Variants in ADARB2 observed in about 807,000 individuals in gnomAD.
ADARB2 encodes the protein adenosine deaminase RNA specific B2 (inactive), also known as inactive double-stranded RNA-specific editase B2.
A neutral mutation model predicts 62.2 loss-of-function variants in ADARB2; 25 were observed. That is an observed-to-expected ratio of 0.40 (90% CI 0.29 to 0.56). ADARB2 has a LOEUF of 0.56. Among genes scored for constraint, ADARB2 ranks in the 20% least tolerant of loss-of-function variants. The probability of loss-of-function intolerance (pLI) is 0.43; values close to 1 mark genes in which losing one functional copy is unlikely to be tolerated. For synonymous variants in ADARB2, 572 were observed against 500.8 expected, an observed-to-expected ratio of 1.14 and a Z score of -1.90; for missense variants, 1,071 against 1,077.4, an observed-to-expected ratio of 0.99 and a Z score of 0.08.
At chr10:1,659,785 G>A (rs1450912956) in intron 1 of ADARB2, among the ~76,000 whole-genome samples, 1 of 150,990 alleles carries the variant, frequency 6.6e-6, no homozygotes, top group African/African-American at 2.4e-5. Flanking sequence ...TCCGGGGCAG[G>A]GGCTGTCTCC....
intron 1 of ADARB2, among the ~76,000 whole-genome samples, chr10:1,684,111 A>G (rs1410727998): frequency 2.0e-5 from 3 of 152,220 alleles, no homozygotes. Flanking sequence ...GGAGAAGCAA[A>G]CTATGGAGTG....
intron 1 of ADARB2, among the ~76,000 whole-genome samples, chr10:1,474,333 CT>C (rs1831370288): frequency 6.6e-6 from 1 of 152,178 alleles, no homozygotes; most frequent in Non-Finnish European, 1.5e-5. Context: ...AGGACACCAG[CT>C]GCAGTTTGGG....
At position 1,501,259 on chromosome 10, in the gene ADARB2, A is replaced by G. The variant is rs139478707; in HGVS notation, c.101-122099T>C. On this transcript the variant is annotated intron_variant, in intron 1 of 9. Transcript: ENST00000381312. ...AGTAAAAGGGGGAGTTTAACTTGCT[A>G]GCTATGTAGGGAAACAGTTTTGAGT... is the stretch of plus-strand genomic sequence containing the variant. 3.1e-3 allele frequency among the ~76,000 whole-genome samples: 467 copies of G among 152,310 alleles called. 5 individuals carry two copies. The highest frequency in any genetic ancestry group is 0.014 in the Middle Eastern group (4 of 294).
intron 3 of ADARB2, among the ~76,000 whole-genome samples, chr10:1,356,239 G>C (rs368184218): frequency 1.7e-3 from 253 of 152,310 alleles, no homozygotes; most frequent in African/African-American, 6.0e-3. Flanking sequence ...CCACAGGATG[G>C]TGTGTGTGGC....
intron 1 of ADARB2, among the ~76,000 whole-genome samples, chr10:1,501,639 G>T (rs1368348323): frequency 6.6e-6 from 1 of 152,174 alleles, no homozygotes; most frequent in Non-Finnish European, 1.5e-5. Context: ...CCACAGAGGG[G>T]CCCAATCAAA....
At chr10:1,313,058 T>C (rs1486881988) in intron 3 of ADARB2, among the ~76,000 whole-genome samples, 2 of 152,226 alleles carry the variant, frequency 1.3e-5, no homozygotes, top group Non-Finnish European at 2.9e-5. Context: ...CATCCAATGA[T>C]ACAGTTGGGG....
chr10:1,732,268 A>G (rs893556977), intron 1 of ADARB2, among the ~76,000 whole-genome samples: 3 of 151,146 alleles, frequency 2.0e-5, no homozygotes, highest in African/African-American at 7.3e-5. Context: ...TAGTTTTAAA[A>G]TTGAACATTA....
intron 3 of ADARB2, among the ~76,000 whole-genome samples, chr10:1,327,171 C>G (rs1410661124): frequency 9.8e-6 from 1 of 101,646 alleles, no homozygotes; most frequent in Non-Finnish European, 2.2e-5. Context: ...AGTTTAGTGC[C>G]TGCCCACAGT....
intron 6 of ADARB2, among the ~76,000 whole-genome samples, chr10:1,227,283 C>T (rs981009839): frequency 6.6e-6 from 1 of 152,188 alleles, no homozygotes; most frequent in South Asian, 2.1e-4. Flanking sequence ...GGGAGTGACC[C>T]GATTTTCCAG....
chr10:1,271,760 C>T (rs1831265568), intron 3 of ADARB2, among the ~76,000 whole-genome samples: 1 of 152,194 alleles, frequency 6.6e-6, no homozygotes, highest in South Asian at 2.1e-4. Context: ...CTGTGGCCGC[C>T]CTTTCCCCGG....
intron 6 of ADARB2, among the ~76,000 whole-genome samples, chr10:1,219,332 C>G (rs968150342): frequency 3.1e-4 from 47 of 152,216 alleles, no homozygotes; most frequent in Non-Finnish European, 3.5e-4. Context: ...GGAACTTTCT[C>G]CTAAAGATCC....
chr10:1,676,880 G>T (rs1014416498), intron 1 of ADARB2, among the ~76,000 whole-genome samples: 1 of 127,488 alleles, frequency 7.8e-6, no homozygotes, highest in African/African-American at 2.5e-5. Context: ...GAGGCCCAGT[G>T]AGTGTCAGAA....
chr10:1,534,045 GA>G lies in ADARB2; in HGVS notation c.101-154886del, dbSNP rs1447389547. ...CTTTGATGGGGGAGGGAGGGAGGGA[GA>G]GAGAGAGAGAGAGAGAGATTGATTT... is the stretch of plus-strand genomic sequence containing the variant. On this transcript the variant is annotated intron_variant, in intron 1 of 9. Transcript: ENST00000381312. Among the ~76,000 whole-genome samples the G allele has an allele frequency of 5.8e-4, 82 of 142,588 alleles. 2 individuals are homozygous for G. In the South Asian group the frequency reaches 0.017, roughly 30 times the overall value. 93.5% of individuals were successfully genotyped at this position (142,588 alleles called of 152,430 possible). A position where few individuals can be genotyped will look rare whatever the true frequency, so the allele number is the denominator to read the frequency against.
intron 2 of ADARB2, 75 bp from the exon 3 acceptor site, chr10:1,363,992 AG>A: frequency 7.2e-7 from 1 of 1,396,614 alleles, no homozygotes; most frequent in Non-Finnish European, 9.2e-7. Flanking sequence ...GCACTCCCTG[AG>A]GGTCCCCGTC....
In ADARB2 at chr10:1,469,832, A is replaced by G. The variant is rs1831298823; in HGVS notation, c.101-90672T>C. Among the ~76,000 whole-genome samples, 4 of 152,250 alleles carry G rather than the reference A, an allele frequency of 2.6e-5. No homozygotes were observed. The South Asian group carries it at 8.3e-4, about 32-fold the overall frequency. On this transcript the variant is annotated intron_variant, in intron 1 of 9. Coordinates refer to ENST00000381312, the MANE Select transcript of ADARB2 (RefSeq NM_018702.4). The stretch of plus-strand genomic sequence containing the variant: ...GGTAAAAGGGCTCCATGGCAGGTGC[A>G]TTGCACAGGGGAAGTGGATTTCAAA...
At chr10:1,198,616 C>T (rs1033939170) in intron 8 of ADARB2, among the ~76,000 whole-genome samples, 27 of 152,346 alleles carry the variant, frequency 1.8e-4, no homozygotes, top group Middle Eastern at 3.4e-3. Context: ...CTGCACCGGC[C>T]GTGGTGTGGC....
intron 1 of ADARB2, among the ~76,000 whole-genome samples, chr10:1,504,586 C>G (rs1174187263): frequency 1.3e-5 from 2 of 152,136 alleles, no homozygotes; most frequent in Admixed American, 1.3e-4. Flanking sequence ...GGAGCTCCTG[C>G]CGTGGTGGTG....
chr10:1,210,959 T>C (rs936792336), intron 7 of ADARB2, among the ~76,000 whole-genome samples: 1 of 152,178 alleles, frequency 6.6e-6, no homozygotes, highest in Non-Finnish European at 1.5e-5. Flanking sequence ...ACGCGGAGGC[T>C]GTACTTGCCA....
chr10:1,578,517 C>T (rs888872733), intron 1 of ADARB2, among the ~76,000 whole-genome samples: 4 of 152,132 alleles, frequency 2.6e-5, no homozygotes, highest in Non-Finnish European at 5.9e-5. Flanking sequence ...AAGGCAGCCC[C>T]GCCTGTGAGT....
Sources: gnomAD v4.1 joint callset for allele counts (sites outside exome capture counted in the v4.1 genomes callset) on GRCh38, gnomAD v4.1.1 for gene constraint, MANE v1.5 for transcripts, NCBI Gene and HGNC (gene_info 2026-07-23, HGNC 2026-07-21) for gene names.